Variants in PITPNC1 observed in about 807,000 individuals in gnomAD.
PITPNC1 encodes the protein phosphatidylinositol transfer protein cytoplasmic 1.
Under a neutral mutation model 44.7 loss-of-function variants are expected in PITPNC1, and 18 were observed. That is an observed-to-expected ratio of 0.40 (90% CI 0.28 to 0.60). The LOEUF (loss-of-function observed/expected upper bound fraction) is 0.60, where lower values mean the gene tolerates loss of function less well. Among genes scored for constraint, PITPNC1 ranks in the 20% least tolerant of loss-of-function variants. The pLI, the probability that PITPNC1 is intolerant of heterozygous loss-of-function variation, is 0.39. For synonymous variants in PITPNC1, 141 were observed against 149.6 expected, an observed-to-expected ratio of 0.94 and a Z score of 0.42; for missense variants, 290 against 418.4, an observed-to-expected ratio of 0.69 and a Z score of 2.68.
At chr17:67,379,391 A>G (rs545587977) in intron 1 of PITPNC1, 2 of 984,956 alleles carry the variant, frequency 2.0e-6, no homozygotes, top group African/African-American at 1.7e-5. Context: ...CCAAGGGTTA[A>G]GGTAAGACCC....
chr17:67,383,921 C>T (rs2038002873), intron 1 of PITPNC1, among the ~76,000 whole-genome samples: 2 of 152,062 alleles, frequency 1.3e-5, no homozygotes, highest in South Asian at 2.1e-4. Flanking sequence ...CCTGTAATCC[C>T]AGGTACTTGG....
At chr17:67,593,886 AG>A (rs1252220540) in intron 5 of PITPNC1, among the ~76,000 whole-genome samples, 13 of 152,238 alleles carry the variant, frequency 8.5e-5, no homozygotes, top group African/African-American at 2.2e-4. Flanking sequence ...GTGGGAATAC[AG>A]TGTACGTCAC....
At chr17:67,564,165 A>G (rs144177628) in intron 4 of PITPNC1, among the ~76,000 whole-genome samples, 4 of 19,964 alleles carry the variant, frequency 2.0e-4, no homozygotes, top group Non-Finnish European at 2.4e-4. Flanking sequence ...GATTGGGTGG[A>G]TGGATGGATG....
At chr17:67,598,069 A>C (rs1229891311) in intron 5 of PITPNC1, among the ~76,000 whole-genome samples, 1 of 152,098 alleles carries the variant, frequency 6.6e-6, no homozygotes, top group Non-Finnish European at 1.5e-5. Context: ...TAAAAATACA[A>C]AAATTAGCTG....
At chr17:67,383,493 G>A (rs2037994919) in intron 1 of PITPNC1, among the ~76,000 whole-genome samples, 1 of 152,156 alleles carries the variant, frequency 6.6e-6, no homozygotes, top group Non-Finnish European at 1.5e-5. Context: ...TGTCTGCTTA[G>A]CGGGACACAT....
rs1170395859 is a variant in PITPNC1 at position 67,631,628 on chromosome 17, CAAAAACCAAAAAA to C, written c.367-509_367-497del. Among the ~76,000 whole-genome samples, 40 of 13,312 alleles carry C rather than the reference CAAAAACCAAAAAA, an allele frequency of 3.0e-3. 6 individuals are homozygous for C. Among genetic ancestry groups the C allele is most frequent in the Admixed American group, 0.013 (9 of 696 alleles). 8.7% of individuals were successfully genotyped at this position (13,312 alleles called of 152,430 possible). ...TGGGCGAAAGAGTGAGACTCCGTCT[CAAAAACCAAAAAA>C]AAAAAAAAAAAAAAAAATATATATA... On this transcript the variant is annotated intron_variant, in intron 5 of 8. Coordinates refer to ENST00000581322, the MANE Select transcript of PITPNC1 (RefSeq NM_012417.4).
At chr17:67,618,703 G>A (rs1490493122) in intron 5 of PITPNC1, among the ~76,000 whole-genome samples, 1 of 151,080 alleles carries the variant, frequency 6.6e-6, no homozygotes, top group African/African-American at 2.4e-5. Context: ...AGTGAGCCAA[G>A]ATCATGCCAC....
intron 5 of PITPNC1, among the ~76,000 whole-genome samples, chr17:67,622,866 T>TA (rs112921919): frequency 9.5e-5 from 14 of 148,032 alleles, no homozygotes; most frequent in East Asian, 2.0e-4. Flanking sequence ...ACTCTGTCTT[T>TA]AAAAAAAAAA....
intron 1 of PITPNC1, among the ~76,000 whole-genome samples, chr17:67,515,151 G>A (rs1201458426): frequency 6.6e-6 from 1 of 152,178 alleles, no homozygotes; most frequent in Non-Finnish European, 1.5e-5. Context: ...GCTAACTGGA[G>A]CCCTGTTACC....
At chr17:67,583,152 C>G (rs1375527805) in intron 5 of PITPNC1, among the ~76,000 whole-genome samples, 2 of 152,192 alleles carry the variant, frequency 1.3e-5, no homozygotes, top group Admixed American at 1.3e-4. Context: ...TTCCAGAACA[C>G]CAAATTCTCC....
chr17:67,470,478 A>G (rs2039505162), intron 1 of PITPNC1, among the ~76,000 whole-genome samples: 1 of 152,220 alleles, frequency 6.6e-6, no homozygotes, highest in African/African-American at 2.4e-5. Context: ...AAAGTTTCCT[A>G]TAGATGCAGT....
chr17:67,586,754 G>A (rs1242360854), intron 5 of PITPNC1, among the ~76,000 whole-genome samples: 3 of 152,094 alleles, frequency 2.0e-5, no homozygotes, highest in African/African-American at 7.2e-5. Flanking sequence ...TTTTGCTTCT[G>A]TTCCAGAATC....
chr17:67,453,450 T>A (rs1315836138), intron 1 of PITPNC1, among the ~76,000 whole-genome samples: 6 of 152,140 alleles, frequency 3.9e-5, no homozygotes, highest in Non-Finnish European at 8.8e-5. Flanking sequence ...CCAGCTGGGT[T>A]ATTGGCTACT....
chr17:67,459,218 A>G (rs1199927273), intron 1 of PITPNC1, among the ~76,000 whole-genome samples: 1 of 149,484 alleles, frequency 6.7e-6, no homozygotes, highest in Admixed American at 6.7e-5. Flanking sequence ...GCCAGGTTCA[A>G]GCGATTCTCC....
intron 5 of PITPNC1, among the ~76,000 whole-genome samples, chr17:67,588,151 G>A (rs1007793327): frequency 1.8e-4 from 28 of 152,008 alleles, no homozygotes; most frequent in African/African-American, 5.6e-4. Context: ...CTACAGGTGC[G>A]CGCCACCACA....
intron 5 of PITPNC1, among the ~76,000 whole-genome samples, chr17:67,620,560 A>G (rs2642036): frequency 0.15 from 23,545 of 152,060 alleles, 4,668 homozygotes; most frequent in African/African-American, 0.46. Flanking sequence ...CTGGGGACAG[A>G]ATTTTCTCAG....
chr17:67,378,297 C>A, intron 1 of PITPNC1, 95 bp downstream of exon 1: 1 of 759,718 alleles, frequency 1.3e-6, no homozygotes, highest in South Asian at 2.2e-5. Context: ...CGGCAGGAAA[C>A]CCAGGTGGAC....
At chr17:67,474,395 A>G (rs188805930) in intron 1 of PITPNC1, among the ~76,000 whole-genome samples, 1 of 152,270 alleles carries the variant, frequency 6.6e-6, no homozygotes, top group Admixed American at 6.5e-5. Context: ...CTCTAGAGTA[A>G]CGTTTCTCAA....
At chr17:67,532,774 C>T in intron 1 of PITPNC1, 28 bp from the exon 2 acceptor site, 1 of 1,541,012 alleles carries the variant, frequency 6.5e-7, no homozygotes, top group East Asian at 2.4e-5. Flanking sequence ...GTGGGGCTGA[C>T]CTTTCTGTCT....
Sources: allele counts gnomAD v4.1 joint callset (sites outside exome capture counted in the v4.1 genomes callset), GRCh38; gene constraint gnomAD v4.1.1; transcripts MANE v1.5; gene names NCBI Gene and HGNC (gene_info 2026-07-23, HGNC 2026-07-21).